DAB1: variants seen among roughly 807,000 people sequenced by gnomAD.
The protein encoded by DAB1 is disabled homolog 1.
In DAB1, 15 loss-of-function variants were observed where a neutral mutation model predicts 64.6. The ratio of observed to expected loss-of-function variants is 0.23; its 90% CI spans 0.16 to 0.36. The LOEUF is 0.36. Ranked by LOEUF, DAB1 falls within the 10% of genes least tolerant of loss-of-function variation. The pLI, the probability that DAB1 is intolerant of heterozygous loss-of-function variation, is 1.00. For missense variants in DAB1, 596 were observed against 706.7 expected (o/e 0.84, Z 1.78); for synonymous variants, 235 against 251.9 (o/e 0.93, Z 0.64).
At chr1:57,577,860 G>A (rs767276253) in intron 7 of DAB1, among the ~76,000 whole-genome samples, 4 of 152,154 alleles carry the variant, frequency 2.6e-5, no homozygotes, top group Admixed American at 6.5e-5. Context: ...CCTTGACATC[G>A]CCTTCCCTAA....
intron 7 of DAB1, among the ~76,000 whole-genome samples, chr1:57,573,114 G>A (rs899003098): frequency 2.6e-5 from 4 of 152,024 alleles, no homozygotes; most frequent in Admixed American, 1.3e-4. Context: ...TAGAGACAGG[G>A]TCTCCCTCCA....
chr1:58,045,805 T>G (rs555428619), intron 5 of DAB1, among the ~76,000 whole-genome samples: 1 of 116,052 alleles, frequency 8.6e-6, no homozygotes, highest in South Asian at 2.4e-4. Flanking sequence ...CCTTTGTTCC[T>G]TCTCTTTTTT....
intron 1 of DAB1, among the ~76,000 whole-genome samples, chr1:57,393,972 A>G (rs1682604641): frequency 6.6e-6 from 1 of 152,230 alleles, no homozygotes; most frequent in Admixed American, 6.5e-5. Context: ...ATGTGTATCT[A>G]TAATCTAGAA....
chr1:58,370,372 TGC>T (rs1299836289), intron 3 of DAB1, among the ~76,000 whole-genome samples: 19 of 108,666 alleles, frequency 1.7e-4, no homozygotes, highest in African/African-American at 3.0e-4. Context: ...TATGAGTGTG[TGC>T]GTGTGTGTGT....
At chr1:57,475,507 T>C (rs1643924921) in intron 7 of DAB1, among the ~76,000 whole-genome samples, 1 of 152,224 alleles carries the variant, frequency 6.6e-6, no homozygotes, top group Non-Finnish European at 1.5e-5. Flanking sequence ...ACAGGCCTAT[T>C]ACTTGGATAA....
At chr1:57,877,514 T>C (rs1644066716) in intron 1 of DAB1, among the ~76,000 whole-genome samples, 1 of 152,170 alleles carries the variant, frequency 6.6e-6, no homozygotes, top group Non-Finnish European at 1.5e-5. Flanking sequence ...TTCTTCATTC[T>C]GCTTCATCTT....
At chr1:58,049,526 G>C (rs539818830) in intron 5 of DAB1, among the ~76,000 whole-genome samples, 2 of 152,252 alleles carry the variant, frequency 1.3e-5, no homozygotes, top group East Asian at 1.9e-4. Flanking sequence ...TTAGAACCAA[G>C]TATATGACAT....
At chr1:58,360,468 T>G (rs531313036) in intron 3 of DAB1, among the ~76,000 whole-genome samples, 1 of 152,282 alleles carries the variant, frequency 6.6e-6, no homozygotes, top group African/African-American at 2.4e-5. Flanking sequence ...CTGACCAGCA[T>G]GAGGCACTGA....
intron 4 of DAB1, among the ~76,000 whole-genome samples, chr1:58,305,701 C>A (rs1473110476): frequency 6.6e-6 from 1 of 152,144 alleles, no homozygotes; most frequent in Non-Finnish European, 1.5e-5. Flanking sequence ...CAAAAAAGTT[C>A]TATCAAGTAG....
chr1:57,905,100 C>T (rs1359590185), intron 5 of DAB1, among the ~76,000 whole-genome samples: 1 of 151,800 alleles, frequency 6.6e-6, no homozygotes, highest in Non-Finnish European at 1.5e-5. Flanking sequence ...AAAATAGGTA[C>T]CATTATTATG....
intron 4 of DAB1, among the ~76,000 whole-genome samples, chr1:58,308,181 C>G (rs758467398): frequency 5.9e-5 from 9 of 152,132 alleles, no homozygotes; most frequent in Non-Finnish European, 1.0e-4. Flanking sequence ...AGAACCCAGT[C>G]CACATAGCTA....
intron 5 of DAB1, among the ~76,000 whole-genome samples, chr1:58,086,388 C>G (rs1298414637): frequency 1.3e-5 from 2 of 152,144 alleles, no homozygotes; most frequent in Non-Finnish European, 2.9e-5. Flanking sequence ...TTTGAAGTCT[C>G]CTACCTGTAG....
chr1:58,349,477 T>C (rs1644031199), intron 3 of DAB1, among the ~76,000 whole-genome samples: 1 of 152,020 alleles, frequency 6.6e-6, no homozygotes, highest in South Asian at 2.1e-4. Flanking sequence ...ATTATTATGA[T>C]ATTTTAAGTT....
chr1:57,863,074 C>A (rs1267846262), intron 1 of DAB1: 2 of 152,068 alleles, frequency 1.3e-5, no homozygotes, highest in African/African-American at 4.8e-5. Context: ...TATATCCATA[C>A]AATTAAGTAC....
chr1:57,147,546 G>A (rs544406306), intron 2 of DAB1, among the ~76,000 whole-genome samples: 7 of 152,178 alleles, frequency 4.6e-5, no homozygotes, highest in African/African-American at 7.2e-5. Flanking sequence ...ACTATAATCC[G>A]TATAATACTT....
At chr1:58,024,664 G>A (rs1367094411) in intron 5 of DAB1, among the ~76,000 whole-genome samples, 1 of 152,156 alleles carries the variant, frequency 6.6e-6, no homozygotes, top group Non-Finnish European at 1.5e-5. Context: ...TGGCCACAAG[G>A]TGCCCAAACA....
chr1:57,590,422 C>A (rs972536781), intron 7 of DAB1, among the ~76,000 whole-genome samples: 1 of 151,926 alleles, frequency 6.6e-6, no homozygotes, highest in Non-Finnish European at 1.5e-5. Flanking sequence ...CGGTTTCAAG[C>A]GATTCTCCTG....
intron 7 of DAB1, among the ~76,000 whole-genome samples, chr1:57,603,190 C>T (rs1225703901): frequency 3.3e-5 from 5 of 152,024 alleles, no homozygotes; most frequent in Admixed American, 1.3e-4. Context: ...TCAGGCTGGT[C>T]GCGAACTCCC....
At chr1:58,487,031 C>T (rs1645588101) in intron 3 of DAB1, among the ~76,000 whole-genome samples, 1 of 152,176 alleles carries the variant, frequency 6.6e-6, no homozygotes, top group South Asian at 2.1e-4. Flanking sequence ...AAGGAAAGGA[C>T]ATTACAATGA....
Sources: gnomAD v4.1 joint callset for allele counts (sites outside exome capture counted in the v4.1 genomes callset) on GRCh38, gnomAD v4.1.1 for gene constraint, MANE v1.5 for transcripts, NCBI Gene and HGNC (gene_info 2026-07-23, HGNC 2026-07-21) for gene names.